ZNF846: variants seen among roughly 807,000 people sequenced by gnomAD.
ZNF846 encodes the protein zinc finger protein 420 pseudogene.
Under a neutral mutation model 16.0 loss-of-function variants are expected in ZNF846, and 15 were observed. The ratio of observed to expected loss-of-function variants is 0.94; its 90% CI spans 0.63 to 1.45. ZNF846 has a LOEUF of 1.45. Among genes scored for constraint, ZNF846 ranks in the 40% most tolerant of loss-of-function variants. The pLI, the probability that ZNF846 is intolerant of heterozygous loss-of-function variation, is 0.00. For synonymous variants in ZNF846, 229 were observed against 212.0 expected, an observed-to-expected ratio of 1.08 and a Z score of -0.70; for missense variants, 714 against 622.3, an observed-to-expected ratio of 1.15 and a Z score of -1.57.
chr19:9,766,205 A>T (rs542620740), intron 1 of ZNF846, among the ~76,000 whole-genome samples: 6 of 150,750 alleles, frequency 4.0e-5, no homozygotes, highest in Non-Finnish European at 7.4e-5. Flanking sequence ...AGATCGCTTG[A>T]GGTCAGCAGT....
intron 1 of ZNF846, among the ~76,000 whole-genome samples, chr19:9,776,795 A>C (rs900117367): frequency 6.6e-6 from 1 of 152,192 alleles, no homozygotes; most frequent in African/African-American, 2.4e-5. Flanking sequence ...GAGAATATCC[A>C]AAGGCTACAG....
In ZNF846 at chr19:9,762,180, A is replaced by C; in HGVS notation, c.143-12T>G. Reference sequence around the variant, plus strand: ...TAATTCAGACCCTGCTGGAGGGAAAAATGCACAAAAGAAGAGGCCCATGCA... The same window carrying C: ...TAATTCAGACCCTGCTGGAGGGAAACATGCACAAAAGAAGAGGCCCATGCA... On this transcript the variant is annotated splice_polypyrimidine_tract_variant and intron_variant, in intron 3 of 5. Transcript: ENST00000397902. 1 of 1,611,670 alleles carries C rather than the reference A, an allele frequency of 6.2e-7. No individual in the cohort carries two copies. Among genetic ancestry groups the C allele is most frequent in the Non-Finnish European group, 8.5e-7 (1 of 1,177,926 alleles).
downstream of ZNF846, among the ~76,000 whole-genome samples, chr19:9,753,359 C>G (rs1599380244): frequency 1.3e-5 from 2 of 150,896 alleles, no homozygotes; most frequent in East Asian, 3.9e-4. Flanking sequence ...TCACACCATT[C>G]TCCTGCCTCA....
chr19:9,759,004 T>C (rs562979648), intron 5 of ZNF846, among the ~76,000 whole-genome samples: 1 of 151,818 alleles, frequency 6.6e-6, no homozygotes, highest in South Asian at 2.1e-4. Flanking sequence ...GATATTTATT[T>C]ATTTATTTAT....
intron 1 of ZNF846, among the ~76,000 whole-genome samples, chr19:9,765,439 G>A (rs567424732): frequency 4.6e-5 from 7 of 152,072 alleles, no homozygotes; most frequent in South Asian, 2.1e-4. Flanking sequence ...TTGGGAGGCC[G>A]AGGCGGGTGG....
intron 3 of ZNF846, 167 bp from the exon 4 acceptor site, chr19:9,762,335 T>G: frequency 1.7e-6 from 1 of 583,524 alleles, no homozygotes; most frequent in South Asian, 2.0e-5. Context: ...CTAAAACTAT[T>G]TTTAAAATAA....
At position 9,757,687 on chromosome 19, in the gene ZNF846, T is replaced by G. The variant is rs773098584; in HGVS notation, c.1390A>C (p.Asn464His). The G allele has an allele frequency of 2.5e-5, 41 of 1,613,280 alleles. No homozygotes were observed. Among genetic ancestry groups the G allele is most frequent in the Non-Finnish European group, 3.1e-5 (36 of 1,179,894 alleles). The change falls in exon 6 of 6, where the codon AAT becomes CAT. Residue 464 changes from asparagine to histidine, a missense_variant. Physicochemically the swap from Asn to His is moderately conservative, Grantham distance 68. Transcript: ENST00000397902. ...TGCGTTCGCATGTGCATATTAAGAT[T>G]TGTGGAACGAGCAAATGCTTTACCG... is the stretch of plus-strand genomic sequence containing the variant.
At chr19:9,760,499 G>A (rs760930749) in intron 4 of ZNF846, among the ~76,000 whole-genome samples, 19 of 148,308 alleles carry the variant, frequency 1.3e-4, no homozygotes, top group Admixed American at 7.3e-4. Context: ...TCAGGAGTTC[G>A]AGACCAGCCC....
At chr19:9,778,291 A>C (rs1359007276) in intron 1 of ZNF846, among the ~76,000 whole-genome samples, 1 of 152,228 alleles carries the variant, frequency 6.6e-6, no homozygotes, top group Non-Finnish European at 1.5e-5. Context: ...AATAATTAAA[A>C]TGAAAAATTC....
At chr19:9,754,563 T>TCAAAAA (rs776769152), downstream of ZNF846, among the ~76,000 whole-genome samples, 206 of 83,754 alleles carry the variant, frequency 2.5e-3, 3 homozygotes, top group Non-Finnish European at 3.3e-3. Context: ...AGACTCTGTC[T>TCAAAAA]TAAAAAAAAA....
At chr19:9,763,313 C>T (rs2045261037) in exon 3 of ZNF846, 2 of 1,605,942 alleles carry the variant, frequency 1.2e-6, no homozygotes, top group African/African-American at 1.3e-5. Flanking sequence ...AGTTCTCCAA[C>T]ATCACATCTC....
chr19:9,779,508 T>C (rs1203996344), intron 1 of ZNF846, among the ~76,000 whole-genome samples: 1 of 151,598 alleles, frequency 6.6e-6, no homozygotes, highest in African/African-American at 2.4e-5. Context: ...CCTCAGGTGA[T>C]CTGTCTGCCT....
intron 2 of ZNF846, 79 bp downstream of exon 2, chr19:9,764,857 G>A: frequency 6.6e-7 from 1 of 1,523,360 alleles, no homozygotes; most frequent in Non-Finnish European, 9.1e-7. Flanking sequence ...TAAGATGCTT[G>A]AATACACGAT....
exon 6 of ZNF846, chr19:9,757,982 C>T (rs775786219): frequency 1.6e-5 from 26 of 1,613,272 alleles, no homozygotes; most frequent in Middle Eastern, 1.6e-4. Flanking sequence ...TACATAAATA[C>T]AGCTTCTCTC....
intron 1 of ZNF846, among the ~76,000 whole-genome samples, chr19:9,767,686 C>T (rs529850991): frequency 6.6e-6 from 1 of 152,076 alleles, no homozygotes; most frequent in Non-Finnish European, 1.5e-5. Context: ...CCTGTAATTC[C>T]AGCACTTTGG....
intron 1 of ZNF846, among the ~76,000 whole-genome samples, chr19:9,785,324 A>T (rs1312137177): frequency 6.8e-6 from 1 of 147,026 alleles, no homozygotes; most frequent in African/African-American, 2.5e-5. Context: ...CAGCCTCCCC[A>T]GTAGCTGGGA....
exon 6 of ZNF846, chr19:9,757,868 A>G: frequency 1.2e-6 from 2 of 1,612,368 alleles, no homozygotes; most frequent in African/African-American, 2.7e-5. Flanking sequence ...AGGAATTATT[A>G]AAGGCTTTCC....
At chr19:9,781,761 T>G (rs1381602256) in intron 1 of ZNF846, among the ~76,000 whole-genome samples, 2 of 151,638 alleles carry the variant, frequency 1.3e-5, no homozygotes, top group Non-Finnish European at 2.9e-5. Context: ...ATAGAGAAAT[T>G]TCCCAAGGGC....
rs1023775500 is a variant in ZNF846, at chr19:9,762,223, C to G, written c.143-55G>C. The G allele has an allele frequency of 6.6e-6, 9 of 1,356,744 alleles. No homozygotes were observed. In the African/African-American group the frequency reaches 1.3e-4, roughly 20 times the overall value. The allele number at this position is 1,356,744 out of a possible 1,614,324, so 84.0% of individuals were successfully genotyped here. A position where few individuals can be genotyped will look rare whatever the true frequency, so the allele number is the denominator to read the frequency against. On this transcript the variant is annotated intron_variant, in intron 3 of 5. Coordinates refer to ENST00000397902, the Ensembl canonical transcript of ZNF846. The stretch of plus-strand genomic sequence containing the variant: ...CCCATGCAAGACATAACACCATGTC[C>G]TTCAATGGGGAACCAATACTTTTGC...
Sources: gnomAD v4.1 joint callset for allele counts (sites outside exome capture counted in the v4.1 genomes callset) on GRCh38, gnomAD v4.1.1 for gene constraint, MANE v1.5 for transcripts, NCBI Gene and HGNC (gene_info 2026-07-23, HGNC 2026-07-21) for gene names.